Variants in SYN2 observed in about 807,000 individuals in gnomAD.
SYN2 encodes the protein synapsin-2.
Under a neutral mutation model 50.9 loss-of-function variants are expected in SYN2, and 19 were observed. The observed-to-expected ratio is 0.37, with a 90% CI of 0.26 to 0.55. The LOEUF is 0.55. Ranked by LOEUF, SYN2 falls within the 20% of genes least tolerant of loss-of-function variation. The pLI is 0.81. For synonymous variants in SYN2, 255 were observed against 224.9 expected, an observed-to-expected ratio of 1.13 and a Z score of -1.20; for missense variants, 587 against 576.4, an observed-to-expected ratio of 1.02 and a Z score of -0.19.
chr3:12,089,037 CA>C (rs1271248760), intron 1 of SYN2, among the ~76,000 whole-genome samples: 1 of 152,056 alleles, frequency 6.6e-6, no homozygotes, highest in Non-Finnish European at 1.5e-5. Flanking sequence ...GTTTTCACCA[CA>C]AAAAACAATA....
At chr3:12,184,249 A>T in intron 11 of SYN2, 1 of 985,896 alleles carries the variant, frequency 1.0e-6, no homozygotes, top group Non-Finnish European at 1.2e-6. Flanking sequence ...TGCAATATCA[A>T]AGTGAACTTG....
At chr3:12,164,984 C>CTTTTTTT (rs68043865) in intron 7 of SYN2, among the ~76,000 whole-genome samples, 9 of 92,340 alleles carry the variant, frequency 9.7e-5, no homozygotes, top group Non-Finnish European at 1.7e-4. Context: ...TTTTTCTTTT[C>CTTTTTTT]TTTTTTTTTT....
At chr3:12,011,494 T>C (rs985988155) in intron 1 of SYN2, among the ~76,000 whole-genome samples, 1 of 152,228 alleles carries the variant, frequency 6.6e-6, no homozygotes, top group Non-Finnish European at 1.5e-5. Flanking sequence ...GCTGCATGAC[T>C]AAGAATAGGA....
At chr3:12,034,329 G>A (rs1396672892) in intron 1 of SYN2, among the ~76,000 whole-genome samples, 1 of 152,094 alleles carries the variant, frequency 6.6e-6, no homozygotes, top group Non-Finnish European at 1.5e-5. Context: ...AGCTATTTGT[G>A]TATCTTCTTT....
intron 1 of SYN2, among the ~76,000 whole-genome samples, chr3:12,045,328 A>G (rs997499943): frequency 2.0e-5 from 3 of 152,216 alleles, no homozygotes; most frequent in Non-Finnish European, 2.9e-5. Context: ...GGAGTAGATA[A>G]AAAGTGAAAT....
chr3:12,025,541 A>T (rs1694239333), intron 1 of SYN2, among the ~76,000 whole-genome samples: 1 of 152,218 alleles, frequency 6.6e-6, no homozygotes, highest in Non-Finnish European at 1.5e-5. Context: ...CTGACGCTAC[A>T]GGTTAGTCAG....
At chr3:12,159,380 A>C (rs1242515592) in intron 5 of SYN2, 2 of 153,686 alleles carry the variant, frequency 1.3e-5, no homozygotes, top group Non-Finnish European at 2.9e-5. Flanking sequence ...CGAGCTACTC[A>C]GGGCTTCTTT....
intron 1 of SYN2, chr3:12,070,818 C>T (rs773895091): frequency 4.1e-5 from 25 of 607,658 alleles, no homozygotes; most frequent in Middle Eastern, 5.9e-4. Context: ...AGATCCTCAC[C>T]GAGCACAGCT....
chr3:12,025,440 T>C lies in SYN2; in HGVS notation c.377+20512T>C, dbSNP rs543145437. ...TGCCTGCTGTGTATGAGATACTGCC[T>C]AAGTGCTTTTCCTAATATTGTCTCA... is the stretch of plus-strand genomic sequence containing the variant. On this transcript the variant is annotated intron_variant, in intron 1 of 12. Coordinates refer to ENST00000621198, the MANE Select transcript of SYN2 (RefSeq NM_133625.6). 3.3e-5 allele frequency among the ~76,000 whole-genome samples: 5 copies of C among 152,332 alleles called. No individual in the cohort carries two copies. In the South Asian group the frequency reaches 1.0e-3, roughly 32 times the overall value.
chr3:12,133,651 C>T (rs573550951), intron 1 of SYN2, among the ~76,000 whole-genome samples: 19 of 152,228 alleles, frequency 1.2e-4, no homozygotes, highest in African/African-American at 4.3e-4. Flanking sequence ...AATTACTACA[C>T]TGGCTTCTGA....
chr3:12,121,232 T>C (rs1696551298), intron 1 of SYN2, among the ~76,000 whole-genome samples: 1 of 152,338 alleles, frequency 6.6e-6, no homozygotes, highest in Non-Finnish European at 1.5e-5. Flanking sequence ...TGTACCTGTC[T>C]CTTTCTGCTT....
At chr3:12,112,862 A>G (rs1052771416) in intron 1 of SYN2, among the ~76,000 whole-genome samples, 7 of 152,182 alleles carry the variant, frequency 4.6e-5, no homozygotes, top group Non-Finnish European at 7.4e-5. Flanking sequence ...CGGTTAGCAT[A>G]TGGTATATAA....
chr3:12,153,386 A>C, intron 5 of SYN2: 1 of 1,091,648 alleles, frequency 9.2e-7, no homozygotes, highest in South Asian at 1.4e-5. Context: ...CAGTGGCCAG[A>C]CTGTCCACTT....
Position 12,167,307 on chromosome 3 carries a change from A to T in SYN2, c.1054A>T (p.Arg352Trp). The T allele has an allele frequency of 6.2e-7, 1 of 1,611,226 alleles. No homozygotes were observed. The highest frequency in any genetic ancestry group is 8.5e-7 in the Non-Finnish European group (1 of 1,178,818). ...GCTGGAGCAGATTGCCATGTCAGAC[A>T]GGTGAGTTGAGAGAAGGAGTCCAGT... ...AMLEQIAMSD[R>W]YKLWVDTCSE... is the part of the protein sequence containing the mutation. Residue 352 changes from arginine to tryptophan, a missense_variant and splice_region_variant, in exon 8 of 13, where the codon AGG (arginine) becomes TGG (tryptophan). By Grantham distance (101) the Arg-to-Trp change is moderately radical. Coordinates refer to ENST00000621198, the MANE Select transcript of SYN2 (RefSeq NM_133625.6).
intron 1 of SYN2, among the ~76,000 whole-genome samples, chr3:12,103,385 AAATAAT>A (rs568502986): frequency 1.6e-4 from 24 of 152,206 alleles, no homozygotes; most frequent in Non-Finnish European, 3.4e-4. Context: ...TGTTTGTATG[AAATAAT>A]AATACATAAT....
chr3:12,029,453 T>C (rs1694334368), intron 1 of SYN2, among the ~76,000 whole-genome samples: 1 of 126,942 alleles, frequency 7.9e-6, no homozygotes, highest in Admixed American at 7.6e-5. Flanking sequence ...ATTGAATCTG[T>C]AAATTACCTT....
intron 1 of SYN2, among the ~76,000 whole-genome samples, chr3:12,008,190 C>G (rs1170587756): frequency 6.6e-6 from 1 of 152,146 alleles, no homozygotes. Flanking sequence ...TGCCTTTGTT[C>G]CGGAGATTCT....
chr3:12,077,534 T>C (rs866405550), intron 1 of SYN2, among the ~76,000 whole-genome samples: 3 of 150,658 alleles, frequency 2.0e-5, no homozygotes, highest in Admixed American at 6.6e-5. Context: ...TATGTTCTCA[T>C]TGTTCAGCTT....
intron 1 of SYN2, among the ~76,000 whole-genome samples, chr3:12,135,475 C>T (rs17035883): frequency 0.079 from 11,972 of 152,166 alleles, 573 homozygotes; most frequent in African/African-American, 0.13. Flanking sequence ...GTTTACAGAG[C>T]TCTGGGAAGT....
Sources: allele counts gnomAD v4.1 joint callset (sites outside exome capture counted in the v4.1 genomes callset), GRCh38; gene constraint gnomAD v4.1.1; transcripts MANE v1.5; gene names NCBI Gene and HGNC (gene_info 2026-07-23, HGNC 2026-07-21).